WDR7: variants seen among roughly 807,000 people sequenced by gnomAD.
WDR7 encodes the protein WD repeat-containing protein 7.
Under a neutral mutation model 169.4 loss-of-function variants are expected in WDR7, and 46 were observed. The observed-to-expected ratio is 0.27, with a 90% CI of 0.21 to 0.35. The LOEUF (loss-of-function observed/expected upper bound fraction) is 0.35, where lower values mean the gene tolerates loss of function less well. WDR7 is among the 10% of genes least tolerant of loss of function. The pLI is 1.00. For synonymous variants in WDR7, 612 were observed against 666.8 expected (o/e 0.92, Z 1.27); for missense variants, 1,534 against 1,859.3 (o/e 0.83, Z 3.22).
intron 14 of WDR7, among the ~76,000 whole-genome samples, chr18:56,747,441 CAT>C (rs1311332779): frequency 6.6e-6 from 1 of 152,168 alleles, no homozygotes; most frequent in East Asian, 1.9e-4. Context: ...TCATTCAGCA[CAT>C]ATTGAATGCA....
rs1350271593 is a variant in WDR7, at chr18:56,686,876, G to A, written c.619G>A (p.Glu207Lys). The change falls in exon 7 of 28, where the codon GAG (glutamate) becomes AAG (lysine). Residue 207 changes from glutamate (E) to lysine (K), a missense_variant. Coordinates refer to ENST00000254442, the MANE Select transcript of WDR7 (RefSeq NM_015285.3). The part of the protein sequence containing the change: ...DMQDTEPIFE[E>K]ESKPIYCQNC... ...TCAGGATACTGAGCCAATATTTGAG[G>A]AGGAATCCAAACCAATTTATTGTCA... The A allele has an allele frequency of 1.2e-6, 2 of 1,604,650 alleles. No individual in the cohort carries two copies. The highest frequency in any genetic ancestry group is 1.1e-5 in the South Asian group (1 of 90,714).
intron 1 of WDR7, among the ~76,000 whole-genome samples, chr18:56,669,829 T>C (rs2025095828): frequency 6.6e-6 from 1 of 152,196 alleles, no homozygotes; most frequent in Admixed American, 6.5e-5. Flanking sequence ...TTCCACTTAA[T>C]ATAAAGCTTT....
At chr18:56,755,509 G>A (rs1443801323) in intron 14 of WDR7, among the ~76,000 whole-genome samples, 3 of 152,174 alleles carry the variant, frequency 2.0e-5, no homozygotes, top group East Asian at 1.9e-4. Context: ...TCGTGACAGC[G>A]GGATAGGAAG....
intron 20 of WDR7, among the ~76,000 whole-genome samples, chr18:56,866,647 C>T (rs2045886473): frequency 1.3e-5 from 2 of 152,050 alleles, no homozygotes; most frequent in African/African-American, 2.4e-5. Flanking sequence ...ATGATAAGCA[C>T]ATATTAAATT....
At chr18:56,908,478 A>G (rs1266041671) in intron 21 of WDR7, among the ~76,000 whole-genome samples, 1 of 152,214 alleles carries the variant, frequency 6.6e-6, no homozygotes, top group African/African-American at 2.4e-5. Flanking sequence ...AATATTAAAC[A>G]TAAAACTCCT....
intron 20 of WDR7, among the ~76,000 whole-genome samples, chr18:56,842,929 A>C (rs1453290594): frequency 6.6e-6 from 1 of 152,200 alleles, no homozygotes; most frequent in East Asian, 1.9e-4. Flanking sequence ...GACATTTTAC[A>C]CCAAAAAAGA....
rs567749764 is a variant in WDR7 at position 56,960,988 on chromosome 18, A to G, written c.4065-1442A>G. Among the ~76,000 whole-genome samples, 133 of 152,244 alleles carry G rather than the reference A, an allele frequency of 8.7e-4. 1 individual carries two copies. In the Middle Eastern group the frequency reaches 0.017, roughly 19 times the overall value. On this transcript the variant is annotated intron_variant, in intron 25 of 27. Transcript: ENST00000254442. The stretch of plus-strand genomic sequence containing the variant: ...CCTTCCTGTTACTAAAAGTTAAAAA[A>G]AAAAAATGAGCATTAACCTTCCACT...
At chr18:56,743,940 C>A (rs58707269) in intron 14 of WDR7, among the ~76,000 whole-genome samples, 1 of 152,132 alleles carries the variant, frequency 6.6e-6, no homozygotes. Flanking sequence ...AACCTTATTT[C>A]TGAAACTGAA....
At chr18:56,656,304 G>C (rs1466191016) in intron 1 of WDR7, among the ~76,000 whole-genome samples, 6 of 148,224 alleles carry the variant, frequency 4.0e-5, no homozygotes, top group Non-Finnish European at 7.4e-5. Context: ...TTTGGAGATG[G>C]AGTCTTGCTC....
intron 11 of WDR7, 53 bp downstream of exon 11, chr18:56,695,251 G>A: frequency 6.4e-7 from 1 of 1,562,782 alleles, no homozygotes; most frequent in Non-Finnish European, 8.7e-7. Context: ...CTTACCCAGA[G>A]AGTGAAAATG....
intron 7 of WDR7, among the ~76,000 whole-genome samples, chr18:56,687,354 AG>A (rs1167788923): frequency 6.6e-6 from 1 of 152,228 alleles, no homozygotes; most frequent in East Asian, 1.9e-4. Context: ...GCAGTTGGAA[AG>A]TCTTCTCATA....
At chr18:56,813,627 G>T (rs1372438132) in intron 19 of WDR7, among the ~76,000 whole-genome samples, 3 of 151,662 alleles carry the variant, frequency 2.0e-5, no homozygotes, top group Non-Finnish European at 4.4e-5. Flanking sequence ...ACCCTACTTG[G>T]TCATGGTATA....
rs183328457 is a variant in WDR7 at position 56,761,576 on chromosome 18, G to A, written c.2848+2623G>A. 2.5e-3 allele frequency among the ~76,000 whole-genome samples: 382 copies of A among 152,000 alleles called. 2 individuals are homozygous for A. The highest frequency in any genetic ancestry group is 8.7e-3 in the African/African-American group (362 of 41,484). On this transcript the variant is annotated intron_variant, in intron 16 of 27. Transcript: ENST00000254442. ...AGTTATATTGAATTTAGATAAGTTT[G>A]GAGATAATTAATATCTTTATGGGAT...
At chr18:56,765,576 T>C (rs2044050454) in intron 16 of WDR7, among the ~76,000 whole-genome samples, 1 of 152,058 alleles carries the variant, frequency 6.6e-6, no homozygotes, top group South Asian at 2.1e-4. Flanking sequence ...ATTTTACTTT[T>C]ATATATGTTA....
At chr18:56,717,031 A>T (rs1041315735) in intron 12 of WDR7, among the ~76,000 whole-genome samples, 1 of 152,204 alleles carries the variant, frequency 6.6e-6, no homozygotes, top group African/African-American at 2.4e-5. Flanking sequence ...TTTAGATCCC[A>T]TACAAGGGAA....
chr18:56,660,943 A>G (rs1413358589), intron 1 of WDR7, among the ~76,000 whole-genome samples: 1 of 152,154 alleles, frequency 6.6e-6, no homozygotes, highest in Non-Finnish European at 1.5e-5. Flanking sequence ...AACTTGAGAC[A>G]TCACATATTT....
intron 19 of WDR7, among the ~76,000 whole-genome samples, chr18:56,792,815 C>T (rs1433738152): frequency 6.6e-6 from 1 of 151,824 alleles, no homozygotes; most frequent in Non-Finnish European, 1.5e-5. Context: ...CACATACCTA[C>T]ACTATGACAC....
intron 21 of WDR7, among the ~76,000 whole-genome samples, chr18:56,894,073 A>ATC (rs1422686219): frequency 3.3e-5 from 5 of 152,068 alleles, no homozygotes; most frequent in African/African-American, 1.2e-4. Context: ...GACATAACAC[A>ATC]TCTAATCTAT....
At chr18:56,841,649 A>G (rs1490932517) in intron 20 of WDR7, among the ~76,000 whole-genome samples, 1 of 152,132 alleles carries the variant, frequency 6.6e-6, no homozygotes, top group African/African-American at 2.4e-5. Flanking sequence ...TTTTTCCACC[A>G]CAAGTTACAT....
Sources: gnomAD v4.1 joint callset for allele counts (sites outside exome capture counted in the v4.1 genomes callset) on GRCh38, gnomAD v4.1.1 for gene constraint, MANE v1.5 for transcripts, NCBI Gene and HGNC (gene_info 2026-07-23, HGNC 2026-07-21) for gene names.